The following NUDT2 variants were observed in gnomAD, a reference collection of about 807,000 sequenced individuals.
NUDT2 encodes nudix hydrolase 2, also known as bis(5'-nucleosyl)-tetraphosphatase [asymmetrical].
NUDT2 carries 12 observed loss-of-function variants against 14.2 expected under a neutral mutation model. The observed-to-expected ratio is 0.84, with a 90% CI of 0.54 to 1.37. The LOEUF (loss-of-function observed/expected upper bound fraction) is 1.37, where lower values mean the gene tolerates loss of function less well. NUDT2 is among the 40% of genes most tolerant of loss of function. The pLI, the probability that NUDT2 is intolerant of heterozygous loss-of-function variation, is 0.00. For missense variants in NUDT2, 167 were observed against 176.7 expected (o/e 0.95, Z 0.31); for synonymous variants, 67 against 67.4 (o/e 0.99, Z 0.03).
chr9:34,338,184 GATAAA>G (rs1198396286), intron 2 of NUDT2, among the ~76,000 whole-genome samples: 1 of 124,496 alleles, frequency 8.0e-6, no homozygotes, highest in Non-Finnish European at 1.7e-5. Context: ...AAAAAAAAAG[GATAAA>G]ATAAAAGACT....
At chr9:34,332,691 C>G (rs1837978822) in intron 1 of NUDT2, among the ~76,000 whole-genome samples, 1 of 152,196 alleles carries the variant, frequency 6.6e-6, no homozygotes, top group African/African-American at 2.4e-5. Context: ...TTTCCTCCCT[C>G]AGCCAATAGC....
chr9:34,338,156 TAAAAAAAAAAAAA>T (rs74180557), intron 2 of NUDT2, among the ~76,000 whole-genome samples: 1 of 31,042 alleles, frequency 3.2e-5, no homozygotes, highest in Non-Finnish European at 5.5e-5. Flanking sequence ...CCCTGTTTCT[TAAAAAAAAAAAAA>T]AAAAAAAAAA....
In NUDT2 at chr9:34,331,317, T is replaced by C. The variant is rs554943521; in HGVS notation, c.-265+1718T>C. On this transcript the variant is annotated intron_variant, in intron 1 of 4. Transcript: ENST00000379158. The stretch of plus-strand genomic sequence containing the variant: ...AACAGTAACTCATATATTTAGTACC[T>C]CTGATAATGTCAGACCCTCTATATA... 1.3e-4 allele frequency among the ~76,000 whole-genome samples: 20 copies of C among 152,338 alleles called. No homozygotes were observed. In the South Asian group the frequency reaches 3.5e-3, roughly 27 times the overall value.
chr9:34,337,382 TTA>T lies in NUDT2; in HGVS notation c.-152+1043_-152+1044del, dbSNP rs1289919684. On this transcript the variant is annotated intron_variant, in intron 2 of 4. Transcript: ENST00000379158. ...TGCTGGCTCTTAGGGAATGTGCATT[TTA>T]TGTTTTGATAATTATTATCAAATGG... Among the ~76,000 whole-genome samples, 7 of 152,296 alleles carry T rather than the reference TTA, an allele frequency of 4.6e-5. No homozygotes were observed. In the East Asian group the frequency reaches 1.4e-3, roughly 29 times the overall value.
rs571642505 is a variant in NUDT2 at position 34,342,838 on chromosome 9, G to T, written c.128-286G>T. On this transcript the variant is annotated intron_variant, in intron 4 of 4. Transcript: ENST00000379158. ...TTGAGACCAGCCTGGGAAATATAGTGAGACCCCATCTTTACCAAATAAATA... is the reference window on the plus strand; with the variant it reads ...TTGAGACCAGCCTGGGAAATATAGTTAGACCCCATCTTTACCAAATAAATA... Among the ~76,000 whole-genome samples, 23 of 152,086 alleles carry T rather than the reference G, an allele frequency of 1.5e-4. No individual in the cohort carries two copies. In the Middle Eastern group the frequency reaches 0.01, roughly 67 times the overall value.
At chr9:34,342,664 C>G (rs1820221876) in intron 4 of NUDT2, among the ~76,000 whole-genome samples, 1 of 152,004 alleles carries the variant, frequency 6.6e-6, no homozygotes, top group Admixed American at 6.6e-5. Context: ...CCCTGCACCC[C>G]CTTCCCAGGC....
chr9:34,334,796 G>A (rs1838044758), intron 1 of NUDT2, among the ~76,000 whole-genome samples: 1 of 152,196 alleles, frequency 6.6e-6, no homozygotes, highest in African/African-American at 2.4e-5. Flanking sequence ...TGTGCTTGTG[G>A]TGGCATTGTA....
intron 2 of NUDT2, among the ~76,000 whole-genome samples, chr9:34,337,759 G>A (rs1017680747): frequency 6.6e-6 from 1 of 152,180 alleles, no homozygotes; most frequent in East Asian, 1.9e-4. Context: ...TGCATCAGCT[G>A]TGCAACCCCC....
At chr9:34,331,378 A>G (rs151224822) in intron 1 of NUDT2, among the ~76,000 whole-genome samples, 96 of 152,360 alleles carry the variant, frequency 6.3e-4, no homozygotes, top group African/African-American at 2.3e-3. Flanking sequence ...CATGCAAAGT[A>G]GGTGTTAACT....
At position 34,343,180 on chromosome 9, in the gene NUDT2, G is replaced by A. The variant is rs1469831080; in HGVS notation, c.184G>A (p.Glu62Lys). 8 of 1,614,014 alleles carry A rather than the reference G, an allele frequency of 5.0e-6. No individual in the cohort carries two copies. Among genetic ancestry groups the A allele is most frequent in the African/African-American group, 1.3e-5 (1 of 74,912 alleles). The change falls in exon 5 of 5, where the codon GAA (glutamate) becomes AAA (lysine). Residue 62 changes from glutamate to lysine, a missense_variant. Coordinates refer to ENST00000379158, the MANE Select transcript of NUDT2 (RefSeq NM_001161.5). The stretch of plus-strand genomic sequence containing the variant: ...AACAGCCCTGAGGGAGACCCAAGAG[G>A]AAGCAGGCATAGAAGCAGGCCAGCT... ...LETALRETQE[E>K]AGIEAGQLTI...
At chr9:34,337,873 C>G (rs1433218472) in intron 2 of NUDT2, among the ~76,000 whole-genome samples, 1 of 151,908 alleles carries the variant, frequency 6.6e-6, no homozygotes, top group Non-Finnish European at 1.5e-5. Flanking sequence ...GAGTCTCACT[C>G]TGTCGCCAAG....
chr9:34,341,355 T>G (rs1820180805), intron 4 of NUDT2, among the ~76,000 whole-genome samples: 1 of 152,036 alleles, frequency 6.6e-6, no homozygotes, highest in Non-Finnish European at 1.5e-5. Context: ...ACGTCCTGAG[T>G]CAGTATCACC....
chr9:34,340,993 AAAGGGAGTGGGGTTAG>A lies in NUDT2; in HGVS notation c.127+1834_127+1849del, dbSNP rs1181733607. On this transcript the variant is annotated intron_variant, in intron 4 of 4. Transcript: ENST00000379158. Reference sequence around the variant, plus strand: ...CGCCTGGCCAGAAGCGGGGACTTTAAAAGGGAGTGGGGTTAGAAGGGATGGACAAAGATCCAGGATT... The same window carrying A: ...CGCCTGGCCAGAAGCGGGGACTTTAAAAGGGATGGACAAAGATCCAGGATT... Among the ~76,000 whole-genome samples, 4 of 152,200 alleles carry A rather than the reference AAAGGGAGTGGGGTTAG, an allele frequency of 2.6e-5. No individual in the cohort carries two copies. The South Asian group carries it at 8.3e-4, about 32-fold the overall frequency.
chr9:34,330,587 C>G (rs1243630428), intron 1 of NUDT2, among the ~76,000 whole-genome samples: 2 of 152,242 alleles, frequency 1.3e-5, no homozygotes, highest in Non-Finnish European at 2.9e-5. Context: ...GCAGTAATGC[C>G]TCAGCGGGTT....
intron 4 of NUDT2, among the ~76,000 whole-genome samples, chr9:34,339,836 C>CA (rs1187200348): frequency 2.0e-5 from 3 of 151,392 alleles, no homozygotes; most frequent in African/African-American, 2.4e-5. Flanking sequence ...GAGCCTGTCT[C>CA]AAAAAAAAGA....
intron 1 of NUDT2, among the ~76,000 whole-genome samples, chr9:34,335,103 G>C (rs935478754): frequency 8.5e-5 from 13 of 152,132 alleles, no homozygotes; most frequent in Non-Finnish European, 1.5e-5. Flanking sequence ...TCTGAGTCCT[G>C]GGCCATGTGT....
At chr9:34,329,902 CAG>C (rs1238783577) in intron 1 of NUDT2, among the ~76,000 whole-genome samples, 1 of 152,234 alleles carries the variant, frequency 6.6e-6, no homozygotes, top group Non-Finnish European at 1.5e-5. Flanking sequence ...GTTTAGGGCC[CAG>C]AGGCCCAGGC....
At chr9:34,340,883 G>T (rs754687041) in intron 4 of NUDT2, among the ~76,000 whole-genome samples, 1 of 151,928 alleles carries the variant, frequency 6.6e-6, no homozygotes, top group Non-Finnish European at 1.5e-5. Context: ...TTACTATATT[G>T]CCCAGGCTGG....
chr9:34,339,961 G>C lies in NUDT2; in HGVS notation c.127+795G>C, dbSNP rs559748487. ...CTTTTCTTTTTTTTTTTGAGACAAA[G>C]TCTCGCTTTGTCGCCCAGGCTGGAG... On this transcript the variant is annotated intron_variant, in intron 4 of 4. Transcript: ENST00000379158. 6.7e-5 allele frequency among the ~76,000 whole-genome samples: 10 copies of C among 149,884 alleles called. 1 individual carries two copies. Among genetic ancestry groups the C allele is most frequent in the African/African-American group, 2.4e-4 (10 of 41,074 alleles).
Sources: gnomAD v4.1 joint callset for allele counts (sites outside exome capture counted in the v4.1 genomes callset) on GRCh38, gnomAD v4.1.1 for gene constraint, MANE v1.5 for transcripts, NCBI Gene and HGNC (gene_info 2026-07-23, HGNC 2026-07-21) for gene names.